Variants in IFT43 observed in about 807,000 individuals in gnomAD.
IFT43 encodes intraflagellar transport 43.
In IFT43, 33 loss-of-function variants were observed where a neutral mutation model predicts 32.3. That is an observed-to-expected ratio of 1.02 (90% CI 0.77 to 1.37). IFT43 has a LOEUF of 1.37. Among genes scored for constraint, IFT43 ranks in the 40% most tolerant of loss-of-function variants. The pLI, the probability that IFT43 is intolerant of heterozygous loss-of-function variation, is 0.00. For missense variants in IFT43, 274 were observed against 265.9 expected (o/e 1.03, Z -0.21); for synonymous variants, 93 against 98.2 (o/e 0.95, Z 0.31).
At chr14:75,987,814 G>T (rs1038425861) in intron 1 of IFT43, among the ~76,000 whole-genome samples, 1 of 152,188 alleles carries the variant, frequency 6.6e-6, no homozygotes, top group African/African-American at 2.4e-5. Flanking sequence ...TGATGGCCAA[G>T]AATTTTGAAG....
intron 3 of IFT43, among the ~76,000 whole-genome samples, chr14:76,049,059 A>C (rs2140027912): frequency 6.6e-6 from 1 of 152,356 alleles, no homozygotes; most frequent in East Asian, 1.9e-4. Flanking sequence ...TATAGAGCAG[A>C]AACTTCTGTA....
At chr14:76,028,613 C>T (rs963518634) in intron 3 of IFT43, among the ~76,000 whole-genome samples, 3 of 152,110 alleles carry the variant, frequency 2.0e-5, no homozygotes, top group Non-Finnish European at 4.4e-5. Context: ...AGTCCTCGCC[C>T]GCAACCCCTT....
intron 3 of IFT43, chr14:76,022,650 C>T: frequency 3.2e-6 from 1 of 311,854 alleles, no homozygotes; most frequent in South Asian, 6.1e-5. Context: ...GCAGCCACTT[C>T]CCATGTCCCC....
chr14:76,053,301 G>A (rs891087608), intron 3 of IFT43, among the ~76,000 whole-genome samples: 2 of 152,124 alleles, frequency 1.3e-5, no homozygotes, highest in African/African-American at 4.8e-5. Context: ...ACAAAGGAAG[G>A]GTGGGCTGAG....
At chr14:76,007,961 G>A (rs532990579) in intron 2 of IFT43, among the ~76,000 whole-genome samples, 5 of 152,196 alleles carry the variant, frequency 3.3e-5, no homozygotes, top group East Asian at 1.9e-4. Context: ...CTTTGGATCC[G>A]CCTCTTCAAC....
chr14:75,999,281 A>ATATATATATTTTT (rs1566699821), intron 2 of IFT43, among the ~76,000 whole-genome samples: 1 of 39,062 alleles, frequency 2.6e-5, no homozygotes, highest in African/African-American at 1.2e-4. Context: ...ATGTATATAT[A>ATATATATATTTTT]TTTTTTTTTT....
At chr14:76,059,785 C>T (rs1001918733) in intron 5 of IFT43, among the ~76,000 whole-genome samples, 2 of 152,214 alleles carry the variant, frequency 1.3e-5, no homozygotes, top group African/African-American at 4.8e-5. Context: ...AAAGCATTTT[C>T]TCTCACCACA....
intron 2 of IFT43, among the ~76,000 whole-genome samples, chr14:76,009,674 A>G (rs2036043645): frequency 6.6e-6 from 1 of 152,212 alleles, no homozygotes; most frequent in Admixed American, 6.5e-5. Context: ...CATCCATAGA[A>G]TTACAGAAGT....
chr14:76,066,657 T>G (rs1253843736), intron 5 of IFT43, among the ~76,000 whole-genome samples: 2 of 152,190 alleles, frequency 1.3e-5, no homozygotes, highest in Non-Finnish European at 2.9e-5. Context: ...AGCAATGACA[T>G]TAAGCAGATC....
At chr14:76,020,181 G>A (rs745626626) in intron 2 of IFT43, among the ~76,000 whole-genome samples, 1 of 152,060 alleles carries the variant, frequency 6.6e-6, no homozygotes, top group African/African-American at 2.4e-5. Context: ...CACCATGTTG[G>A]CCAGGATGGT....
chr14:75,997,747 T>G (rs1446177125), intron 2 of IFT43, among the ~76,000 whole-genome samples: 2 of 150,662 alleles, frequency 1.3e-5, no homozygotes, highest in Non-Finnish European at 3.0e-5. Flanking sequence ...ATAAAAGTGT[T>G]TGTTTGGGGG....
chr14:76,023,218 C>T (rs761418030), intron 3 of IFT43, among the ~76,000 whole-genome samples: 1 of 152,212 alleles, frequency 6.6e-6, no homozygotes, highest in Non-Finnish European at 1.5e-5. Context: ...ATGATCCCTA[C>T]AGGGTGATTC....
chr14:76,034,424 T>C (rs747166281), intron 3 of IFT43, among the ~76,000 whole-genome samples: 6 of 152,120 alleles, frequency 3.9e-5, no homozygotes, highest in African/African-American at 1.4e-4. Context: ...CACCATCCCA[T>C]TGGGGATTAG....
At chr14:76,078,099 T>A (rs374877941) in intron 5 of IFT43, among the ~76,000 whole-genome samples, 20 of 152,310 alleles carry the variant, frequency 1.3e-4, no homozygotes, top group East Asian at 9.6e-4. Context: ...CAGAACAGTG[T>A]CTGTGTAGTG....
At chr14:76,049,539 AT>A (rs1282019919) in intron 3 of IFT43, among the ~76,000 whole-genome samples, 1 of 152,082 alleles carries the variant, frequency 6.6e-6, no homozygotes, top group Admixed American at 6.5e-5. Context: ...TTTAAAAAAA[AT>A]GTATTAAAAC....
chr14:75,988,289 G>A lies in IFT43; in HGVS notation c.55-596G>A, dbSNP rs552692279. Among the ~76,000 whole-genome samples, 197 of 152,180 alleles carry A rather than the reference G, an allele frequency of 1.3e-3. 3 individuals carry two copies. The South Asian group carries it at 0.019, about 15-fold the overall frequency. On this transcript the variant is annotated intron_variant, in intron 1 of 8. Transcript: ENST00000314067. ...AGCTACTCAGGAGGGCAAGGTAGGA[G>A]GATCACTTGAGCCTAGGGGGTGGAG...
intron 4 of IFT43, 38 bp from the exon 5 acceptor site, chr14:76,059,289 T>G: frequency 6.2e-7 from 1 of 1,613,792 alleles, no homozygotes; most frequent in Non-Finnish European, 8.5e-7. Context: ...TGTTTGAAAC[T>G]CATTTTTTGC....
intron 2 of IFT43, among the ~76,000 whole-genome samples, chr14:75,999,612 C>A (rs937316130): frequency 2.6e-5 from 4 of 152,016 alleles, no homozygotes; most frequent in Non-Finnish European, 4.4e-5. Flanking sequence ...GTTCAGGAAC[C>A]CAGAAGGATC....
At chr14:76,076,092 T>A (rs2037407255) in intron 5 of IFT43, among the ~76,000 whole-genome samples, 1 of 152,226 alleles carries the variant, frequency 6.6e-6, no homozygotes, top group Non-Finnish European at 1.5e-5. Flanking sequence ...GATATGAGCC[T>A]TGAGCAGCCT....
Sources: gnomAD v4.1 joint callset for allele counts (sites outside exome capture counted in the v4.1 genomes callset) on GRCh38, gnomAD v4.1.1 for gene constraint, MANE v1.5 for transcripts, NCBI Gene and HGNC (gene_info 2026-07-23, HGNC 2026-07-21) for gene names.